ARHGAP6: variants seen among roughly 807,000 people sequenced by gnomAD.
ARHGAP6 encodes rho GTPase-activating protein 6.
Under a neutral mutation model 55.7 loss-of-function variants are expected in ARHGAP6, and 16 were observed. The ratio of observed to expected loss-of-function variants is 0.29; its 90% CI spans 0.19 to 0.44. The LOEUF (loss-of-function observed/expected upper bound fraction) is 0.44. Ranked by LOEUF, ARHGAP6 falls within the 20% of genes least tolerant of loss-of-function variation. ARHGAP6 has a pLI of 1.00. For synonymous variants in ARHGAP6, 382 were observed against 360.9 expected (o/e 1.06, Z -0.66); for missense variants, 698 against 808.9 (o/e 0.86, Z 1.66).
At chrX:11,555,308 C>A (rs188900559) in intron 1 of ARHGAP6, among the ~76,000 whole-genome samples, 199 of 111,438 alleles carry the variant, frequency 1.8e-3, no homozygotes, top group African/African-American at 6.2e-3. Flanking sequence ...AGATAGGCCA[C>A]AAATACACAA....
At chrX:11,219,505 C>G (rs1411424091) in intron 2 of ARHGAP6, among the ~76,000 whole-genome samples, 2 of 96,315 alleles carry the variant, frequency 2.1e-5, no homozygotes, top group Non-Finnish European at 4.2e-5. Context: ...GTCCCACCAA[C>G]AGTGTAAAAG....
chrX:11,610,852 C>A (rs890740300), intron 1 of ARHGAP6, among the ~76,000 whole-genome samples: 2 of 112,058 alleles, frequency 1.8e-5, no homozygotes, highest in Non-Finnish European at 1.9e-5. Context: ...CAGGCCCTGA[C>A]AACTACTAAC....
chrX:11,542,296 A>AC (rs1411781702), intron 1 of ARHGAP6, among the ~76,000 whole-genome samples: 1 of 110,313 alleles, frequency 9.1e-6, no homozygotes, highest in African/African-American at 3.3e-5. Context: ...ACATGGTGAA[A>AC]CCCCATCTCT....
chrX:11,656,507 C>T (rs1176366242), intron 1 of ARHGAP6, among the ~76,000 whole-genome samples: 1 of 112,452 alleles, frequency 8.9e-6, no homozygotes, highest in African/African-American at 3.2e-5. Flanking sequence ...CCTGAAGGTT[C>T]TAAGAATCCA....
At chrX:11,417,103 T>TAC (rs1556012588) in intron 1 of ARHGAP6, among the ~76,000 whole-genome samples, 2 of 79,871 alleles carry the variant, frequency 2.5e-5, no homozygotes, top group African/African-American at 9.5e-5. Context: ...TATATATATA[T>TAC]ATACACATAC....
intron 1 of ARHGAP6, chrX:11,266,070 TGTGA>T (rs1381314231): frequency 8.9e-4 from 223 of 249,535 alleles, no homozygotes; most frequent in African/African-American, 1.0e-3. Flanking sequence ...TGTGTGTGTG[TGTGA>T]GAGAGAGAGA....
chrX:11,252,769 T>G (rs2047440791), intron 2 of ARHGAP6, among the ~76,000 whole-genome samples: 1 of 112,182 alleles, frequency 8.9e-6, no homozygotes, highest in South Asian at 3.8e-4. Flanking sequence ...TCTTCTGAAC[T>G]CTGTCATAAC....
chrX:11,569,201 G>A (rs989736911), intron 1 of ARHGAP6, among the ~76,000 whole-genome samples: 4 of 111,359 alleles, frequency 3.6e-5, no homozygotes, highest in African/African-American at 9.8e-5. Context: ...GCAACTTGGG[G>A]AGGGGTTTCT....
intron 1 of ARHGAP6, among the ~76,000 whole-genome samples, chrX:11,511,555 G>C (rs1332501746): frequency 8.9e-6 from 1 of 112,343 alleles, no homozygotes; most frequent in East Asian, 2.8e-4. Context: ...TATCTCTGAA[G>C]ACAACATCGT....
chrX:11,260,749 T>C (rs2147497129), intron 1 of ARHGAP6, among the ~76,000 whole-genome samples: 1 of 112,163 alleles, frequency 8.9e-6, no homozygotes, highest in South Asian at 3.7e-4. Context: ...TTTAGAAATG[T>C]AAACATAATT....
intron 1 of ARHGAP6, among the ~76,000 whole-genome samples, chrX:11,625,794 C>T (rs762045223): frequency 9.0e-6 from 1 of 110,676 alleles, no homozygotes; most frequent in East Asian, 2.8e-4. Context: ...TCACATGTAC[C>T]CCGTAAATAT....
intron 1 of ARHGAP6, among the ~76,000 whole-genome samples, chrX:11,394,049 G>A (rs779338822): frequency 2.3e-4 from 26 of 111,272 alleles, no homozygotes; most frequent in Admixed American, 2.0e-3. Flanking sequence ...AATGATAAGC[G>A]TTATAAGCCA....
chrX:11,275,176 T>C (rs2047741940), intron 1 of ARHGAP6, among the ~76,000 whole-genome samples: 1 of 111,928 alleles, frequency 8.9e-6, no homozygotes, highest in Non-Finnish European at 1.9e-5. Context: ...TCTATGTGTA[T>C]CTATATGTAT....
chrX:11,228,063 T>A (rs2047080339), intron 2 of ARHGAP6, among the ~76,000 whole-genome samples: 1 of 111,841 alleles, frequency 8.9e-6, no homozygotes, highest in Admixed American at 9.5e-5. Context: ...TAGTATATGT[T>A]TCATACGTAG....
At chrX:11,287,099 G>A (rs1048579879) in intron 1 of ARHGAP6, among the ~76,000 whole-genome samples, 3 of 112,026 alleles carry the variant, frequency 2.7e-5, no homozygotes, top group African/African-American at 9.7e-5. Flanking sequence ...TATTAAATCC[G>A]TTTTTATAGA....
rs146209754 is a variant in ARHGAP6, at chrX:11,165,643, T to C, written c.1809+3862A>G. 9.1e-3 allele frequency among the ~76,000 whole-genome samples: 1,019 copies of C among 112,170 alleles called. 28 individuals carry two copies. Among genetic ancestry groups the C allele is most frequent in the Admixed American group, 0.073 (773 of 10,537 alleles). ...TCATCTTTTGGCTAGGGAAGTTAACTGTGGGGCCCAAGATTACATAGCAAA... is the reference window on the plus strand; with the variant it reads ...TCATCTTTTGGCTAGGGAAGTTAACCGTGGGGCCCAAGATTACATAGCAAA... On this transcript the variant is annotated intron_variant, in intron 9 of 12. Transcript: ENST00000337414.
chrX:11,165,305 A>C (rs1028308251), intron 9 of ARHGAP6, among the ~76,000 whole-genome samples: 2 of 111,733 alleles, frequency 1.8e-5, no homozygotes, highest in East Asian at 2.8e-4. Flanking sequence ...GTTAGGTTTC[A>C]ATAAGCATAA....
intron 1 of ARHGAP6, among the ~76,000 whole-genome samples, chrX:11,591,155 G>A (rs1038245797): frequency 9.2e-6 from 1 of 108,358 alleles, no homozygotes; most frequent in Non-Finnish European, 1.9e-5. Flanking sequence ...TCGCACCACT[G>A]CACTCCAGCC....
chrX:11,368,111 G>A (rs1263629516), intron 1 of ARHGAP6, among the ~76,000 whole-genome samples: 1 of 112,638 alleles, frequency 8.9e-6, no homozygotes, highest in Non-Finnish European at 1.9e-5. Context: ...AAAGCATGGT[G>A]ATCGTAAAAT....
Sources: gnomAD v4.1 joint callset for allele counts (sites outside exome capture counted in the v4.1 genomes callset) on GRCh38, gnomAD v4.1.1 for gene constraint, MANE v1.5 for transcripts, NCBI Gene and HGNC (gene_info 2026-07-23, HGNC 2026-07-21) for gene names.